Variants in NHSL1 observed in about 807,000 individuals in gnomAD.
NHSL1 encodes NHS like 1.
Under a neutral mutation model 95.0 loss-of-function variants are expected in NHSL1, and 48 were observed. That is an observed-to-expected ratio of 0.51 (90% CI 0.40 to 0.64). The LOEUF is 0.64. Among genes scored for constraint, NHSL1 ranks in the 30% least tolerant of loss-of-function variants. NHSL1 has a pLI of 0.00. For missense variants in NHSL1, 1,971 were observed against 2,077.7 expected (o/e 0.95, Z 1.00); for synonymous variants, 783 against 833.9 (o/e 0.94, Z 1.05).
chr6:138,629,010 A>G (rs1181064880), intron 1 of NHSL1, among the ~76,000 whole-genome samples: 1 of 152,212 alleles, frequency 6.6e-6, no homozygotes, highest in African/African-American at 2.4e-5. Flanking sequence ...GTGCTCAACT[A>G]CTTTCAGTCA....
intron 3 of NHSL1, among the ~76,000 whole-genome samples, chr6:138,459,873 T>C (rs1480741336): frequency 6.6e-6 from 1 of 152,230 alleles, no homozygotes; most frequent in Non-Finnish European, 1.5e-5. Context: ...TTACCTAGTA[T>C]CAAGCATCCT....
intron 3 of NHSL1, among the ~76,000 whole-genome samples, chr6:138,462,581 AG>A (rs1230685099): frequency 6.6e-6 from 1 of 152,230 alleles, no homozygotes; most frequent in African/African-American, 2.4e-5. Context: ...TCCAAACCAC[AG>A]CAGGCAGGAT....
intron 1 of NHSL1, among the ~76,000 whole-genome samples, chr6:138,556,467 G>A (rs1398767935): frequency 1.3e-5 from 2 of 151,628 alleles, no homozygotes; most frequent in African/African-American, 4.9e-5. Flanking sequence ...TTGAGTCACA[G>A]AATTTTCTGT....
intron 1 of NHSL1, among the ~76,000 whole-genome samples, chr6:138,671,196 C>T (rs7745967): frequency 0.024 from 3,592 of 151,908 alleles, 143 homozygotes; most frequent in African/African-American, 0.081. Context: ...GTGGCTCACG[C>T]CTGTAATCCC....
In NHSL1 at chr6:138,432,928, C is replaced by A. The variant is rs761659131; in HGVS notation, c.1417G>T (p.Glu473Ter). 6.4e-7 allele frequency: 1 copy of A among 1,551,580 alleles called. No homozygotes were observed. The highest frequency in any genetic ancestry group is 1.2e-5 in the South Asian group (1 of 84,058). Residue 473 changes from glutamate (E) to a stop codon, truncating the protein, a stop_gained, in exon 6 of 8, where the codon GAG (glutamate) becomes TAG (stop). Transcript: ENST00000343505. LOFTEE classifies it high-confidence loss of function. The surrounding 1 kb of genome is among the most constrained non-coding windows in gnomAD (Gnocchi z 4.4). Reference protein sequence around the residue: ...DPQSPGRHWNEGHATILSQDL... With the variant: ...DPQSPGRHWN Reference sequence around the variant, plus strand: ...TGTGAAAGAATGGTGGCATGGCCCTCATTCCAGTGGCGACCGGGAGACTGA... The same window carrying A: ...TGTGAAAGAATGGTGGCATGGCCCTAATTCCAGTGGCGACCGGGAGACTGA...
rs750842126 is a variant in NHSL1, at chr6:138,433,145, A to C, written c.1200T>G (p.Cys400Trp). The change falls in exon 6 of 8, where the codon TGT becomes TGG. Residue 400 changes from cysteine (C) to tryptophan (W), a missense_variant. Transcript: ENST00000343505. ...AGTAGGTTGCATGAGGAGAAACCAC[A>C]CACGCTGGGCTCATTATATTTTCAC... ...FESENIMSPA[C>W]VVSPHATYST... 1 of 1,551,204 alleles carries C rather than the reference A, an allele frequency of 6.4e-7. No homozygotes were observed. Among genetic ancestry groups the C allele is most frequent in the South Asian group, 1.2e-5 (1 of 84,054 alleles).
intron 1 of NHSL1, among the ~76,000 whole-genome samples, chr6:138,684,451 G>A (rs893012998): frequency 6.6e-6 from 1 of 152,074 alleles, no homozygotes; most frequent in East Asian, 1.9e-4. Flanking sequence ...TTCAAGACCA[G>A]CCTGGCCAAC....
At chr6:138,543,710 C>T (rs190011877) in intron 1 of NHSL1, among the ~76,000 whole-genome samples, 1 of 152,200 alleles carries the variant, frequency 6.6e-6, no homozygotes, top group Admixed American at 6.5e-5. Flanking sequence ...GTAGCTCTTA[C>T]TATTCTTCTG....
At chr6:138,496,641 C>T (rs529515072) in intron 1 of NHSL1, among the ~76,000 whole-genome samples, 2 of 152,252 alleles carry the variant, frequency 1.3e-5, no homozygotes, top group East Asian at 3.9e-4. Context: ...ATTTTAGGTC[C>T]TCCCTTTACT....
intron 3 of NHSL1, among the ~76,000 whole-genome samples, chr6:138,469,846 G>A (rs930319765): frequency 2.0e-5 from 3 of 152,152 alleles, no homozygotes; most frequent in East Asian, 1.9e-4. Flanking sequence ...TAAGGTCATC[G>A]AATTGGCTAC....
At chr6:138,476,458 G>C (rs893050823) in intron 2 of NHSL1, among the ~76,000 whole-genome samples, 1 of 152,100 alleles carries the variant, frequency 6.6e-6, no homozygotes, top group Non-Finnish European at 1.5e-5. Context: ...GGTACACATG[G>C]ACACACAGAT....
chr6:138,435,852 G>T (rs1776059869), intron 5 of NHSL1, among the ~76,000 whole-genome samples: 1 of 151,270 alleles, frequency 6.6e-6, no homozygotes, highest in African/African-American at 2.4e-5. Flanking sequence ...GGTAATTCTT[G>T]CAATATTTCA....
upstream of NHSL1, among the ~76,000 whole-genome samples, chr6:138,547,329 TA>T (rs11314239): frequency 0.57 from 83,060 of 146,630 alleles, 24,744 homozygotes; most frequent in Non-Finnish European, 0.68. Context: ...TAGTTAGGAT[TA>T]AAAAAAAAAA....
At chr6:138,660,960 C>G (rs767361622) in intron 1 of NHSL1, among the ~76,000 whole-genome samples, 1 of 152,018 alleles carries the variant, frequency 6.6e-6, no homozygotes, top group East Asian at 1.9e-4. Context: ...GGCGTGGTGG[C>G]GCACGCCTGT....
intron 1 of NHSL1, among the ~76,000 whole-genome samples, chr6:138,626,981 T>C (rs1411776787): frequency 2.0e-5 from 3 of 149,462 alleles, no homozygotes; most frequent in Non-Finnish European, 4.5e-5. Flanking sequence ...CTGTATATCA[T>C]ATACACCTTC....
chr6:138,516,637 G>C (rs917830189), intron 1 of NHSL1, among the ~76,000 whole-genome samples: 1 of 151,950 alleles, frequency 6.6e-6, no homozygotes, highest in Non-Finnish European at 1.5e-5. Context: ...TAGGCAATTC[G>C]TGTTTTTGTT....
intron 1 of NHSL1, among the ~76,000 whole-genome samples, chr6:138,605,552 C>T (rs1784421775): frequency 6.6e-6 from 1 of 152,206 alleles, no homozygotes; most frequent in Admixed American, 6.5e-5. Context: ...ACAAAGGTGT[C>T]AGCTATCTTA....
upstream of NHSL1, among the ~76,000 whole-genome samples, chr6:138,549,344 T>C (rs1032766194): frequency 6.6e-6 from 1 of 151,964 alleles, no homozygotes; most frequent in East Asian, 1.9e-4. Context: ...GATTGCGCCA[T>C]TGAACTCCAA....
At chr6:138,539,730 A>ATTACCCAGAGCATGAATCC (rs1205881629) in intron 1 of NHSL1, among the ~76,000 whole-genome samples, 6 of 152,316 alleles carry the variant, frequency 3.9e-5, no homozygotes, top group African/African-American at 1.2e-4. Context: ...GTTCCACAAA[A>ATTACCCAGAGCATGAATCC]TTACCCAGAG....
Sources: gnomAD v4.1 joint callset for allele counts (sites outside exome capture counted in the v4.1 genomes callset) on GRCh38, gnomAD v4.1.1 for gene constraint, Gnocchi (gnomAD v3.1) non-coding constraint, MANE v1.5 for transcripts, NCBI Gene and HGNC (gene_info 2026-07-23, HGNC 2026-07-21) for gene names.